The following EXD2 variants were observed in gnomAD, a reference collection of about 807,000 sequenced individuals.
EXD2 encodes the protein exonuclease 3'-5' domain-containing protein 2.
A neutral mutation model predicts 62.5 loss-of-function variants in EXD2; 40 were observed. The ratio of observed to expected loss-of-function variants is 0.64; its 90% CI spans 0.50 to 0.83. EXD2 has a LOEUF of 0.83. EXD2 is among the 40% of genes least tolerant of loss of function. EXD2 has a pLI of 0.00. For synonymous variants in EXD2, 239 were observed against 291.9 expected, an observed-to-expected ratio of 0.82 and a Z score of 1.85; for missense variants, 671 against 761.8, an observed-to-expected ratio of 0.88 and a Z score of 1.40.
At chr14:69,228,688 C>T (rs576287908) in intron 3 of EXD2, 128 bp from the exon 4 acceptor site, 2 of 1,275,984 alleles carry the variant, frequency 1.6e-6, no homozygotes, top group South Asian at 3.0e-5. Flanking sequence ...AGATGCAAAC[C>T]AAAACCTGGT....
At chr14:69,220,480 G>A (rs1047714188) in intron 3 of EXD2, among the ~76,000 whole-genome samples, 3 of 145,992 alleles carry the variant, frequency 2.1e-5, no homozygotes, top group African/African-American at 7.5e-5. Context: ...CTGTGGTCTC[G>A]ATCTCCTGAC....
chr14:69,219,205 C>G (rs2140270416), intron 3 of EXD2, among the ~76,000 whole-genome samples: 1 of 152,284 alleles, frequency 6.6e-6, no homozygotes, highest in South Asian at 2.1e-4. Context: ...TTGTAGTTCT[C>G]CTTGAAGAGG....
At position 69,243,228 on chromosome 14, in the gene EXD2, G is replaced by T. The variant is rs2044025167; in HGVS notation, c.*2128G>T. On this transcript the variant is annotated 3_prime_UTR_variant, in exon 10 of 10. Coordinates refer to ENST00000685843, the MANE Select transcript of EXD2 (RefSeq NM_001193360.2). The stretch of plus-strand genomic sequence containing the variant: ...AATTGTCGTCTTAAATCAGAGATTT[G>T]AGGGTAGACTTATTTTATGGCAAAT... 6.6e-6 allele frequency: 1 copy of T among 152,212 alleles called. No homozygotes were observed. The highest frequency in any genetic ancestry group is 6.5e-5 in the Admixed American group (1 of 15,274). 9.4% of individuals were successfully genotyped at this position (152,212 alleles called of 1,614,324 possible).
chr14:69,221,909 TAAAAAAAAAAAA>T (rs60647735), intron 3 of EXD2, among the ~76,000 whole-genome samples: 28 of 52,056 alleles, frequency 5.4e-4, no homozygotes, highest in African/African-American at 1.8e-3. Flanking sequence ...CTGTCTCTAC[TAAAAAAAAAAAA>T]AAAAAAAAAA....
At chr14:69,213,312 C>T (rs114595505) in intron 3 of EXD2, among the ~76,000 whole-genome samples, 1,958 of 150,436 alleles carry the variant, frequency 0.013, 42 homozygotes, top group African/African-American at 0.046. Context: ...AGTGATCCTC[C>T]TGCCTTGGCC....
chr14:69,207,162 C>T (rs1399178204), intron 2 of EXD2, among the ~76,000 whole-genome samples: 2 of 152,140 alleles, frequency 1.3e-5, no homozygotes, highest in African/African-American at 2.4e-5. Flanking sequence ...CATATCTCTA[C>T]AGGCATGATT....
intron 3 of EXD2, among the ~76,000 whole-genome samples, chr14:69,219,910 C>T (rs1248697811): frequency 6.6e-6 from 1 of 152,122 alleles, no homozygotes; most frequent in Non-Finnish European, 1.5e-5. Context: ...TATGCCCTAT[C>T]TCAAAATGAC....
In EXD2 at chr14:69,209,676, C is replaced by T. The variant is rs1004874222; in HGVS notation, c.206C>T (p.Ser69Leu). ...DQLHSSAPRS[S>L]WKERILKAKV... The stretch of plus-strand genomic sequence containing the variant: ...CTGCACTCCAGTGCCCCCAGATCCT[C>T]GTGGAAGGAACGGATCCTTAAAGCA... The change falls in exon 3 of 10, where the codon TCG (serine) becomes TTG (leucine). Residue 69 changes from serine (S) to leucine (L), a missense_variant. Coordinates refer to ENST00000685843, the MANE Select transcript of EXD2 (RefSeq NM_001193360.2). The T allele has an allele frequency of 1.2e-5, 19 of 1,550,364 alleles. No homozygotes were observed. The highest frequency in any genetic ancestry group is 5.5e-5 in the African/African-American group (4 of 73,004).
intron 3 of EXD2, among the ~76,000 whole-genome samples, chr14:69,226,795 C>T (rs946763483): frequency 1.4e-5 from 2 of 139,898 alleles, no homozygotes; most frequent in Non-Finnish European, 3.1e-5. Flanking sequence ...TTTTTTTTAA[C>T]AGCAGTTCTT....
chr14:69,225,740 C>T (rs1482159691), intron 3 of EXD2, among the ~76,000 whole-genome samples: 1 of 152,002 alleles, frequency 6.6e-6, no homozygotes, highest in African/African-American at 2.4e-5. Flanking sequence ...GGCAAAAAGA[C>T]ATTAGAAAGC....
At chr14:69,212,307 G>A (rs527882097) in intron 3 of EXD2, among the ~76,000 whole-genome samples, 19 of 152,054 alleles carry the variant, frequency 1.2e-4, no homozygotes, top group Non-Finnish European at 1.9e-4. Flanking sequence ...AGCCCAGGAG[G>A]TGGAGGTTGC....
intron 3 of EXD2, among the ~76,000 whole-genome samples, chr14:69,210,536 G>A (rs893810062): frequency 5.3e-5 from 8 of 152,136 alleles, no homozygotes; most frequent in South Asian, 4.1e-4. Context: ...TGAGTGTGGC[G>A]GTGGCTCATG....
At chr14:69,192,900 G>A (rs1449278710) in intron 1 of EXD2, among the ~76,000 whole-genome samples, 2 of 152,086 alleles carry the variant, frequency 1.3e-5, no homozygotes, top group African/African-American at 4.8e-5. Flanking sequence ...ACACAGTATG[G>A]CGGAGAACAT....
chr14:69,196,684 A>C (rs978793889), intron 1 of EXD2, among the ~76,000 whole-genome samples: 2 of 148,132 alleles, frequency 1.4e-5, no homozygotes, highest in Non-Finnish European at 3.0e-5. Context: ...AGTGCAGTGG[A>C]GTGATCAAAG....
intron 3 of EXD2, among the ~76,000 whole-genome samples, chr14:69,212,538 G>A (rs2042842657): frequency 6.7e-6 from 1 of 149,652 alleles, no homozygotes. Context: ...TTTAGAGACA[G>A]GGTGGTGTCA....
At chr14:69,202,023 G>A (rs2042425325) in intron 1 of EXD2, among the ~76,000 whole-genome samples, 1 of 152,120 alleles carries the variant, frequency 6.6e-6, no homozygotes, top group Non-Finnish European at 1.5e-5. Context: ...CAGGTGTGGT[G>A]TTCATGCCTG....
intron 5 of EXD2, among the ~76,000 whole-genome samples, chr14:69,231,682 C>G (rs755903642): frequency 6.6e-5 from 10 of 152,166 alleles, no homozygotes; most frequent in African/African-American, 1.9e-4. Flanking sequence ...TCCCTTGGAG[C>G]CTTCTCTCCT....
At chr14:69,235,436 T>A (rs753883732) in intron 6 of EXD2, among the ~76,000 whole-genome samples, 17 of 152,204 alleles carry the variant, frequency 1.1e-4, no homozygotes, top group Non-Finnish European at 2.2e-4. Flanking sequence ...ATCATCTGAT[T>A]TCTTGTTCAT....
intron 3 of EXD2, among the ~76,000 whole-genome samples, chr14:69,214,311 G>GT (rs1316898393): frequency 6.6e-6 from 1 of 152,050 alleles, no homozygotes; most frequent in African/African-American, 2.4e-5. Flanking sequence ...TAGGATTGAT[G>GT]TTTTATCAAT....
Sources: allele counts gnomAD v4.1 joint callset (sites outside exome capture counted in the v4.1 genomes callset), GRCh38; gene constraint gnomAD v4.1.1; transcripts MANE v1.5; gene names NCBI Gene and HGNC (gene_info 2026-07-23, HGNC 2026-07-21).